RYR1: variants seen among roughly 807,000 people sequenced by gnomAD.
RYR1 encodes the protein ryanodine receptor 1.
In RYR1, 342 loss-of-function variants were observed where a neutral mutation model predicts 583.5. The observed-to-expected ratio is 0.59, with a 90% confidence interval of 0.54 to 0.64. The LOEUF (loss-of-function observed/expected upper bound fraction) is 0.64, where lower values mean the gene tolerates loss of function less well. RYR1 is among the 30% of genes least tolerant of loss of function. RYR1 has a pLI of 0.00. For synonymous variants in RYR1, 2,791 were observed against 2,822.5 expected (o/e 0.99, Z 0.35); for missense variants, 6,032 against 6,917.2 (o/e 0.87, Z 4.54).
In RYR1 at chr19:38,499,831, C is replaced by T. The variant is rs747640588; in HGVS notation, c.7214+10C>T. The T allele has an allele frequency of 6.2e-7, 1 of 1,609,016 alleles. No individual in the cohort carries two copies. The highest frequency in any genetic ancestry group is 8.5e-7 in the Non-Finnish European group (1 of 1,179,424). ...ACCGGCGGCGCGAGCAGTGAGTCTCCCGGCCCCCTCCTCAATAGGGCAACC... is the reference window on the plus strand; with the variant it reads ...ACCGGCGGCGCGAGCAGTGAGTCTCTCGGCCCCCTCCTCAATAGGGCAACC... On this transcript the variant is annotated intron_variant, in intron 44 of 105. Transcript: ENST00000359596. The surrounding 1 kb of genome is among the most constrained non-coding windows in gnomAD (Gnocchi z 7.3).
At chr19:38,450,376 G>T (rs1369093985) in intron 11 of RYR1, among the ~76,000 whole-genome samples, 1 of 152,160 alleles carries the variant, frequency 6.6e-6, no homozygotes, top group Non-Finnish European at 1.5e-5. Flanking sequence ...CAAGCAACTG[G>T]AAGGATGGAA....
At chr19:38,465,939 CTT>C (rs1968074821) in intron 23 of RYR1, 150 bp from the exon 24 acceptor site, 1 of 800,698 alleles carries the variant, frequency 1.2e-6, no homozygotes, top group African/African-American at 1.7e-5. Flanking sequence ...GATCTCAAAA[CTT>C]ATTCTAAAAT....
rs1430363132 is a variant in RYR1, at chr19:38,466,405, G to A, written c.3178+7G>A. 6.5e-7 allele frequency: 1 copy of A among 1,543,048 alleles called. No homozygotes were observed. The highest frequency in any genetic ancestry group is 8.7e-7 in the Non-Finnish European group (1 of 1,146,976). Reference sequence around the variant, plus strand: ...CCTCCTGACCAGGAGCCCAGTGAGTGCTCACCCCTGGCCCTGGCCCTGACT... The same window carrying A: ...CCTCCTGACCAGGAGCCCAGTGAGTACTCACCCCTGGCCCTGGCCCTGACT... On this transcript the variant is annotated splice_region_variant and intron_variant, in intron 24 of 105. Coordinates refer to ENST00000359596, the MANE Select transcript of RYR1 (RefSeq NM_000540.3).
chr19:38,577,417 A>T (rs1487261400), intron 97 of RYR1, among the ~76,000 whole-genome samples: 2 of 152,200 alleles, frequency 1.3e-5, no homozygotes, highest in Admixed American at 1.3e-4. Flanking sequence ...TCCCGTGTTA[A>T]ACAAAACAGT....
In RYR1 at chr19:38,466,359, G is replaced by A; in HGVS notation, c.3139G>A (p.Gly1047Ser). The A allele has an allele frequency of 6.3e-7, 1 of 1,575,030 alleles. No homozygotes were observed. The highest frequency in any genetic ancestry group is 1.2e-5 in the South Asian group (1 of 86,488). Residue 1047 changes from glycine to serine, a missense_variant, in exon 24 of 106, where the codon GGC becomes AGC. Physicochemically the swap from Gly to Ser is moderately conservative, Grantham distance 56. Transcript: ENST00000359596. Reference sequence around the variant, plus strand: ...CTGCCAGGCCGTGCGCACCCTCCTGGGCTACGGCTACAACATCGAGCCTCC... The same window carrying A: ...CTGCCAGGCCGTGCGCACCCTCCTGAGCTACGGCTACAACATCGAGCCTCC... Reference protein sequence around the residue: ...SLCQAVRTLLGYGYNIEPPDQ... With the variant: ...SLCQAVRTLLSYGYNIEPPDQ...
chr19:38,542,172 A>C (rs1294526819), intron 84 of RYR1, among the ~76,000 whole-genome samples: 2 of 151,636 alleles, frequency 1.3e-5, no homozygotes, highest in Non-Finnish European at 2.9e-5. Context: ...AGAACGCAAC[A>C]AATTTGTTGT....
At chr19:38,585,137 G>A in intron 102 of RYR1, 38 bp downstream of exon 102, 1 of 1,607,840 alleles carries the variant, frequency 6.2e-7, no homozygotes, top group Non-Finnish European at 8.5e-7. Flanking sequence ...CCCGGAGGCA[G>A]GCTAGCTCCA....
chr19:38,458,252 C>T lies in RYR1; in HGVS notation c.2127C>T (p.Asp709=), dbSNP rs751072270. 6.2e-6 allele frequency: 10 copies of T among 1,614,066 alleles called. No homozygotes were observed. Among genetic ancestry groups the T allele is most frequent in the Non-Finnish European group, 7.6e-6 (9 of 1,180,002 alleles). ...GGGGCGGCAACGGGGTCGGCGATGA[C>T]CTCTATTCCTACGGCTTTGATGGAC... ...EGWGGNGVGD[D]LYSYGFDGLH... Residue 709 remains aspartate (D), a synonymous_variant, in exon 18 of 106, where the codon GAC becomes GAT. Transcript: ENST00000359596.
intron 19 of RYR1, 86 bp from the exon 20 acceptor site, chr19:38,460,289 C>A: frequency 8.0e-7 from 1 of 1,256,762 alleles, no homozygotes; most frequent in Non-Finnish European, 1.2e-6. Context: ...TCCATTGATC[C>A]CAGGACTGCT....
Position 38,483,452 on chromosome 19 carries a change from G to T in RYR1, c.4870G>T (p.Gly1624Cys). Residue 1624 changes from glycine to cysteine, a missense_variant, in exon 33 of 106, where the codon GGC (glycine) becomes TGC (cysteine). Around this residue, in one of 11 missense-constraint regions of RYR1, gnomAD observed 2,627 missense variants for 2,961.3 expected, o/e 0.89. Coordinates refer to ENST00000359596, the MANE Select transcript of RYR1 (RefSeq NM_000540.3). This position sits in a 1 kb window ranked among gnomAD's most constrained non-coding sequence, Gnocchi z 6.3. ...GACGAGGCGTGCCGGCGAGCGGCTG[G>T]GCTGGGCCGTGCAGTGCCAGGAGCC... Reference protein sequence around the residue: ...VETRRAGERLGWAVQCQEPLT... With the variant: ...VETRRAGERLCWAVQCQEPLT... 6.4e-7 allele frequency: 1 copy of T among 1,571,184 alleles called. No homozygotes were observed. The highest frequency in any genetic ancestry group is 8.6e-7 in the Non-Finnish European group (1 of 1,161,518).
Position 38,510,522 on chromosome 19 carries a change from T to G in RYR1, c.8957T>G (p.Val2986Gly), listed in dbSNP as rs1158712015. The G allele has an allele frequency of 1.9e-6, 3 of 1,613,810 alleles. No homozygotes were observed. Among genetic ancestry groups the G allele is most frequent in the Non-Finnish European group, 2.5e-6 (3 of 1,179,990 alleles). ...GAGGCTGTGGTCAGCAGTGGGCGAG[T>G]GGAAAAGTCCCCACATGAACAGGAG... ...HLEAVVSSGR[V>G]EKSPHEQEIK... Residue 2986 changes from valine to glycine, a missense_variant, in exon 59 of 106, where the codon GTG (valine) becomes GGG (glycine). Val to Gly is a moderately radical substitution (Grantham distance 109). Coordinates refer to ENST00000359596, the MANE Select transcript of RYR1 (RefSeq NM_000540.3).
intron 75 of RYR1, 108 bp from the exon 76 acceptor site, chr19:38,528,843 G>A (rs1971603210): frequency 4.9e-6 from 7 of 1,434,836 alleles, no homozygotes; most frequent in Admixed American, 3.7e-5. Context: ...AAAGTAGGGC[G>A]CAGGATGTGG....
In RYR1 at chr19:38,484,002, C is replaced by T. The variant is rs978902329; in HGVS notation, c.4934+486C>T. Among the ~76,000 whole-genome samples, 9 of 152,064 alleles carry T rather than the reference C, an allele frequency of 5.9e-5. No homozygotes were observed. In the South Asian group the frequency reaches 6.2e-4, roughly 11 times the overall value. On this transcript the variant is annotated intron_variant, in intron 33 of 105. Coordinates refer to ENST00000359596, the MANE Select transcript of RYR1 (RefSeq NM_000540.3). ...CCAGACACACCTAGGGCCACAGATG[C>T]GTTCACATGGATGGCAGGGTTACTC... is the stretch of plus-strand genomic sequence containing the variant.
chr19:38,461,440 C>T (rs1226328209), intron 20 of RYR1, among the ~76,000 whole-genome samples: 1 of 151,866 alleles, frequency 6.6e-6, no homozygotes, highest in African/African-American at 2.4e-5. Context: ...GAGTCCTCAC[C>T]ACTGCCCCAC....
intron 76 of RYR1, among the ~76,000 whole-genome samples, chr19:38,532,209 C>T (rs1971768390): frequency 6.6e-6 from 1 of 151,626 alleles, no homozygotes; most frequent in Non-Finnish European, 1.5e-5. Context: ...GCAACCTCTG[C>T]CTCCCGGGTT....
chr19:38,464,873 CT>C (rs2034404485), intron 23 of RYR1, 151 bp downstream of exon 23: 3 of 680,154 alleles, frequency 4.4e-6, no homozygotes, highest in Non-Finnish European at 8.0e-6. Context: ...GGTCAGGGCT[CT>C]GGGGTCAGAG....
At chr19:38,497,489 T>C (rs1046000603) in intron 42 of RYR1, among the ~76,000 whole-genome samples, 2 of 152,242 alleles carry the variant, frequency 1.3e-5, no homozygotes, top group Non-Finnish European at 2.9e-5. Context: ...TCCAGACCCC[T>C]GTTGTCTCAT....
intron 17 of RYR1, 112 bp downstream of exon 17, chr19:38,457,742 A>T: frequency 8.8e-7 from 1 of 1,138,442 alleles, no homozygotes; most frequent in Non-Finnish European, 1.3e-6. Flanking sequence ...CCCCAGGGTT[A>T]ACAACCAGTC....
At chr19:38,493,515 CGTTTTT>C (rs1969653934) in intron 38 of RYR1, among the ~76,000 whole-genome samples, 2 of 143,060 alleles carry the variant, frequency 1.4e-5, no homozygotes. Flanking sequence ...TTTTCTTTTT[CGTTTTT>C]TTTTTTTTTT....
Sources: allele counts gnomAD v4.1 joint callset (sites outside exome capture counted in the v4.1 genomes callset), GRCh38; gene constraint gnomAD v4.1.1; regional missense constraint gnomAD v4.1.1; non-coding constraint Gnocchi (gnomAD v3.1); transcripts MANE v1.5; gene names NCBI Gene and HGNC (gene_info 2026-07-23, HGNC 2026-07-21).